Variants in PKD2 observed in about 807,000 individuals in gnomAD.
The protein encoded by PKD2 is polycystin 2, transient receptor potential cation channel.
A neutral mutation model predicts 105.9 loss-of-function variants in PKD2; 48 were observed. The ratio of observed to expected loss-of-function variants is 0.45; its 90% confidence interval spans 0.36 to 0.58. PKD2 has a LOEUF of 0.58. Ranked by LOEUF, PKD2 falls within the 20% of genes least tolerant of loss-of-function variation. The pLI is 0.00. For synonymous variants in PKD2, 464 were observed against 481.1 expected (o/e 0.96, Z 0.46); for missense variants, 1,078 against 1,255.3 (o/e 0.86, Z 2.13).
intron 12 of PKD2, among the ~76,000 whole-genome samples, chr4:88,066,338 CTATT>C (rs1240275846): frequency 6.7e-6 from 1 of 149,984 alleles, no homozygotes; most frequent in Non-Finnish European, 1.5e-5. Context: ...TAGTTAGTGG[CTATT>C]TAAATTGTTA....
rs1231692166 is a variant in PKD2, at chr4:88,070,846, G to A, written c.2522+2785G>A. Among the ~76,000 whole-genome samples the A allele has an allele frequency of 3.3e-5, 5 of 151,974 alleles. 1 individual carries two copies. The highest frequency in any genetic ancestry group is 6.8e-3 in the Middle Eastern group (2 of 292). ...GATGGCATCTTGTTATGTTGCCCAG[G>A]TTGGTCTCAAACTCCCGGCCTCAAG... On this transcript the variant is annotated intron_variant, in intron 13 of 14. Coordinates refer to ENST00000237596, the MANE Select transcript of PKD2 (RefSeq NM_000297.4).
intron 2 of PKD2, among the ~76,000 whole-genome samples, chr4:88,025,597 G>T (rs1726927936): frequency 6.7e-6 from 1 of 148,908 alleles, no homozygotes. Flanking sequence ...CTGGGTGACA[G>T]AGCAAGACCC....
At chr4:88,020,974 T>C (rs1047607643) in intron 2 of PKD2, among the ~76,000 whole-genome samples, 8 of 152,212 alleles carry the variant, frequency 5.3e-5, no homozygotes, top group African/African-American at 1.9e-4. Flanking sequence ...CATGAGCCAC[T>C]GCACCCAGCC....
At chr4:88,048,320 T>A (rs1727850895) in intron 6 of PKD2, among the ~76,000 whole-genome samples, 1 of 152,188 alleles carries the variant, frequency 6.6e-6, no homozygotes, top group Non-Finnish European at 1.5e-5. Flanking sequence ...TGTGGAGTAT[T>A]TAGATCAAGT....
At chr4:88,060,306 T>G (rs1291737015) in intron 9 of PKD2, among the ~76,000 whole-genome samples, 2 of 152,178 alleles carry the variant, frequency 1.3e-5, no homozygotes, top group African/African-American at 4.8e-5. Context: ...TATTCTATAT[T>G]CTATTCTCAT....
intron 4 of PKD2, among the ~76,000 whole-genome samples, chr4:88,041,448 T>G (rs1239714791): frequency 6.6e-6 from 1 of 152,106 alleles, no homozygotes; most frequent in African/African-American, 2.4e-5. Context: ...CAGCTAAGGT[T>G]TATTATGGTG....
Position 88,044,469 on chromosome 4 carries a change from G to A in PKD2, c.1319+1012G>A, listed in dbSNP as rs536371897. ...GGCTTGTTGGATTGTCCCAGTCCTT[G>A]TATTTAACAACATTTGCAGAAAATA... On this transcript the variant is annotated intron_variant, in intron 5 of 14. Transcript: ENST00000237596. Among the ~76,000 whole-genome samples, 16 of 152,238 alleles carry A rather than the reference G, an allele frequency of 1.1e-4. No individual in the cohort carries two copies. In the South Asian group the frequency reaches 3.1e-3, roughly 30 times the overall value.
Position 88,043,450 on chromosome 4 carries a change from G to A in PKD2, c.1312G>A (p.Val438Met), listed in dbSNP as rs1727654527. 1 of 1,602,156 alleles carries A rather than the reference G, an allele frequency of 6.2e-7. No individual in the cohort carries two copies. Among genetic ancestry groups the A allele is most frequent in the Non-Finnish European group, 8.6e-7 (1 of 1,169,330 alleles). Reference protein sequence around the residue: ...VYNANINLFCVVRLLVEFPAT... With the variant: ...VYNANINLFCMVRLLVEFPAT... ...CAACGCCAACATTAACCTGTTCTGT[G>A]TGGTCAGGTGTGTACTGAGGACATG... The change falls in exon 5 of 15, where the codon GTG (valine) becomes ATG (methionine). Residue 438 changes from valine to methionine, a missense_variant. Physicochemically the swap from Val to Met is conservative, Grantham distance 21 (BLOSUM62 1). Transcript: ENST00000237596.
intron 3 of PKD2, among the ~76,000 whole-genome samples, chr4:88,036,729 A>C (rs1349868932): frequency 6.6e-6 from 1 of 152,254 alleles, no homozygotes; most frequent in Non-Finnish European, 1.5e-5. Context: ...CTAGCCTGAC[A>C]GCTACTTCAT....
chr4:88,065,740 T>C, intron 11 of PKD2, 22 bp from the exon 12 acceptor site: 2 of 1,514,898 alleles, frequency 1.3e-6, no homozygotes, highest in Non-Finnish European at 1.8e-6. Context: ...GATTTTTATC[T>C]GTATCCTCTC....
intron 2 of PKD2, among the ~76,000 whole-genome samples, chr4:88,022,044 G>C (rs545781190): frequency 2.0e-4 from 30 of 152,254 alleles, no homozygotes; most frequent in South Asian, 4.1e-4. Flanking sequence ...CTACACTGTG[G>C]CTTGTGCAAC....
In PKD2 at chr4:88,007,793, G is replaced by A; in HGVS notation, c.60G>A (p.Ala20=). 2 of 1,160,656 alleles carry A rather than the reference G, an allele frequency of 1.7e-6. No homozygotes were observed. Among genetic ancestry groups the A allele is most frequent in the East Asian group, 4.9e-5 (1 of 20,558 alleles). The allele number at this position is 1,160,656 out of a possible 1,614,324, so 71.9% of individuals were successfully genotyped here. The change falls in exon 1 of 15, where the codon GCG becomes GCA. Residue 20 remains alanine, a synonymous_variant. Transcript: ENST00000237596. ...QQPGDAKRPP[A]PRAPDPGRLM... is the part of the protein sequence containing the mutation. ...CCGGGGACGCCAAGCGGCCGCCCGC[G>A]CCCCGCGCGCCGGACCCGGGCCGGC...
Position 88,007,940 on chromosome 4 carries a change from C to A in PKD2, c.207C>A (p.Ala69=), listed in dbSNP as rs980453516. Residue 69 remains alanine (A), a synonymous_variant, in exon 1 of 15, where the codon GCC becomes GCA. Coordinates refer to ENST00000237596, the MANE Select transcript of PKD2 (RefSeq NM_000297.4). The stretch of plus-strand genomic sequence containing the variant: ...AGGCGGCCGCGCGGGACCCCCCGGC[C>A]GGAGCCGCGGCCTCCCCTTCTCCTC... ...IRQAAARDPP[A]GAAASPSPPL... is the part of the protein sequence containing the mutation. The A allele has an allele frequency of 3.4e-6, 5 of 1,463,746 alleles. No homozygotes were observed. In the Admixed American group the frequency reaches 6.6e-5, roughly 19 times the overall value. The allele number at this position is 1,463,746 out of a possible 1,614,324, so 90.7% of individuals were successfully genotyped here.
chr4:88,018,222 G>A (rs543960933), intron 1 of PKD2, among the ~76,000 whole-genome samples: 20 of 152,228 alleles, frequency 1.3e-4, no homozygotes, highest in Admixed American at 3.3e-4. Context: ...TGAATTCAGT[G>A]CTGATTTTCC....
chr4:88,070,595 TATATATAGAGAGAGAG>T (rs1277965274), intron 13 of PKD2, among the ~76,000 whole-genome samples: 2 of 98,434 alleles, frequency 2.0e-5, no homozygotes, highest in Non-Finnish European at 4.1e-5. Context: ...TATATATATA[TATATATAGAGAGAGAG>T]AGAGAGAGAG....
At chr4:88,031,863 T>C (rs1025326125) in intron 2 of PKD2, among the ~76,000 whole-genome samples, 1 of 152,212 alleles carries the variant, frequency 6.6e-6, no homozygotes, top group African/African-American at 2.4e-5. Context: ...TCATCATGTA[T>C]AGTATAATTT....
At chr4:88,065,912 T>A in intron 12 of PKD2, 33 bp downstream of exon 12, 1 of 1,199,860 alleles carries the variant, frequency 8.3e-7, no homozygotes, top group Non-Finnish European at 1.2e-6. Flanking sequence ...GGATTTGATT[T>A]GGTACCTACA....
intron 1 of PKD2, 139 bp downstream of exon 1, chr4:88,008,467 C>T: frequency 9.0e-7 from 1 of 1,116,840 alleles, no homozygotes; most frequent in Non-Finnish European, 1.2e-6. Context: ...AGCGCATTCC[C>T]CACCTCCGCT....
intron 7 of PKD2, 87 bp from the exon 8 acceptor site, chr4:88,055,999 C>CT (rs1454715207): frequency 3.3e-6 from 3 of 914,134 alleles, no homozygotes; most frequent in Non-Finnish European, 5.4e-6. Context: ...AATTTAATTT[C>CT]TTTTCAGGAT....
Sources: allele counts gnomAD v4.1 joint callset (sites outside exome capture counted in the v4.1 genomes callset), GRCh38; gene constraint gnomAD v4.1.1; transcripts MANE v1.5; gene names NCBI Gene and HGNC (gene_info 2026-07-23, HGNC 2026-07-21).